PLEKHA5: variants seen among roughly 807,000 people sequenced by gnomAD.
The protein encoded by PLEKHA5 is pleckstrin homology domain containing A5, also known as pleckstrin homology domain-containing family A member 5.
In PLEKHA5, 55 loss-of-function variants were observed where a neutral mutation model predicts 181.9. That is an observed-to-expected ratio of 0.30 (90% CI 0.24 to 0.38). The LOEUF (loss-of-function observed/expected upper bound fraction) is 0.38. PLEKHA5 is among the 10% of genes least tolerant of loss of function. The probability of loss-of-function intolerance (pLI) is 1.00; values close to 1 mark genes in which losing one functional copy is unlikely to be tolerated. For synonymous variants in PLEKHA5, 535 were observed against 529.4 expected (o/e 1.01, Z -0.15); for missense variants, 1,432 against 1,549.5 (o/e 0.92, Z 1.27).
At chr12:19,165,397 A>C (rs1293173641) in intron 3 of PLEKHA5, among the ~76,000 whole-genome samples, 5 of 150,704 alleles carry the variant, frequency 3.3e-5, no homozygotes, top group African/African-American at 1.2e-4. Flanking sequence ...TGATTTAGAA[A>C]CCGAGGATAT....
At chr12:19,253,748 A>G (rs1208307164) in intron 3 of PLEKHA5, among the ~76,000 whole-genome samples, 192 bp from the exon 4 acceptor site, 3 of 152,062 alleles carry the variant, frequency 2.0e-5, no homozygotes, top group Non-Finnish European at 4.4e-5. Flanking sequence ...TGAACCCAGA[A>G]GGCAGAGGTT....
In PLEKHA5 at chr12:19,186,630, A is replaced by G. The variant is rs73345038; in HGVS notation, c.227+54180A>G. On this transcript the variant is annotated intron_variant, in intron 3 of 31. Transcript: ENST00000429027. ...TAGATTGAAATTGAGTCCAGTCTAC[A>G]TTCCCTCTGGTCATGTTTTTTTGAA... Among the ~76,000 whole-genome samples the G allele has an allele frequency of 4.7e-3, 709 of 152,304 alleles. 7 individuals carry two copies. The highest frequency in any genetic ancestry group is 0.016 in the African/African-American group (666 of 41,572).
Position 19,203,995 on chromosome 12 carries a change from G to A in PLEKHA5, c.228-49945G>A, listed in dbSNP as rs186229447. On this transcript the variant is annotated intron_variant, in intron 3 of 31. Transcript: ENST00000429027. ...GTACTTAGAGACACAAAACATATGC[G>A]TATTGACACATTTTAATTTTTGCGA... Among the ~76,000 whole-genome samples, 6 of 152,104 alleles carry A rather than the reference G, an allele frequency of 3.9e-5. No individual in the cohort carries two copies. The East Asian group carries it at 5.8e-4, about 15-fold the overall frequency.
intron 3 of PLEKHA5, among the ~76,000 whole-genome samples, chr12:19,136,492 G>A (rs2035703016): frequency 6.6e-6 from 1 of 152,134 alleles, no homozygotes; most frequent in South Asian, 2.1e-4. Context: ...TTATACGTTT[G>A]AGTTATAAAG....
Position 19,291,637 on chromosome 12 carries a change from C to A in PLEKHA5, c.1984-7C>A. Reference sequence around the variant, plus strand: ...CTGTCCCTTTTTTCTTAATTGGTGCCTACTAGAATGAAATTCTTTCACATC... The same window carrying A: ...CTGTCCCTTTTTTCTTAATTGGTGCATACTAGAATGAAATTCTTTCACATC... On this transcript the variant is annotated splice_region_variant and splice_polypyrimidine_tract_variant and intron_variant, in intron 14 of 31. Coordinates refer to ENST00000429027, the MANE Select transcript of PLEKHA5 (RefSeq NM_001256470.2). The A allele has an allele frequency of 6.7e-7, 1 of 1,493,628 alleles. No homozygotes were observed. The highest frequency in any genetic ancestry group is 9.0e-7 in the Non-Finnish European group (1 of 1,110,158). 92.5% of individuals were successfully genotyped at this position (1,493,628 alleles called of 1,614,324 possible). A position where few individuals can be genotyped will look rare whatever the true frequency, so the allele number is the denominator to read the frequency against.
chr12:19,323,156 C>G (rs573821316), intron 20 of PLEKHA5, among the ~76,000 whole-genome samples: 1 of 151,972 alleles, frequency 6.6e-6, no homozygotes, highest in South Asian at 2.1e-4. Context: ...AGCCACCACA[C>G]CCAGCCAAAC....
At chr12:19,329,187 C>T (rs143971662) in intron 20 of PLEKHA5, among the ~76,000 whole-genome samples, 1 of 152,164 alleles carries the variant, frequency 6.6e-6, no homozygotes, top group East Asian at 1.9e-4. Context: ...GAAATGAAGC[C>T]TATTTTATCA....
intron 20 of PLEKHA5, among the ~76,000 whole-genome samples, chr12:19,334,829 A>AAAAAAAAAAT: frequency 1.1e-4 from 2 of 18,604 alleles, no homozygotes; most frequent in Non-Finnish European, 2.9e-4. Context: ...AAAAAAAAAA[A>AAAAAAAAAAT]ATATATATAT....
Position 19,130,198 on chromosome 12 carries a change from C to T in PLEKHA5, c.169+68C>T, listed in dbSNP as rs780137219. On this transcript the variant is annotated intron_variant, in intron 2 of 31. Coordinates refer to ENST00000429027, the MANE Select transcript of PLEKHA5 (RefSeq NM_001256470.2). The surrounding 1 kb of genome is among the most constrained non-coding windows in gnomAD (Gnocchi z 4.5). ...GCGGCAGAGCCCGGGCCGCCCGGCTCCCCGCAACCTGCCCCGCGCCGCGGG... is the reference window on the plus strand; with the variant it reads ...GCGGCAGAGCCCGGGCCGCCCGGCTTCCCGCAACCTGCCCCGCGCCGCGGG... 2.8e-4 allele frequency: 292 copies of T among 1,060,598 alleles called. 1 individual carries two copies. Among genetic ancestry groups the T allele is most frequent in the Admixed American group, 4.3e-4 (14 of 32,392 alleles). 65.7% of individuals were successfully genotyped at this position (1,060,598 alleles called of 1,614,324 possible). A position where few individuals can be genotyped will look rare whatever the true frequency, so the allele number is the denominator to read the frequency against.
chr12:19,367,258 C>CTTTTTTTTTTT (rs376634416), intron 30 of PLEKHA5, among the ~76,000 whole-genome samples: 3 of 72,000 alleles, frequency 4.2e-5, no homozygotes, highest in African/African-American at 1.1e-4. Flanking sequence ...TTTGCTTCTT[C>CTTTTTTTTTTT]TTTTTTTTTT....
intron 28 of PLEKHA5, among the ~76,000 whole-genome samples, chr12:19,360,494 C>T (rs1179051092): frequency 1.3e-5 from 2 of 151,682 alleles, no homozygotes; most frequent in Non-Finnish European, 2.9e-5. Context: ...GTAATCACTA[C>T]TTGGGAGGCT....
In PLEKHA5 at chr12:19,348,404, A is replaced by G. The variant is rs1164989340; in HGVS notation, c.2904A>G (p.Pro968=). ...TTACATGTCTTCCTTTCAAGGGTCC[A>G]GATTATAGACTCTACAAGAGTGAAC... is the stretch of plus-strand genomic sequence containing the variant. ...GYPRNGSHCG[P]DYRLYKSEPE... Residue 968 remains proline, a synonymous_variant, in exon 25 of 32, where the codon CCA becomes CCG. Coordinates refer to ENST00000429027, the MANE Select transcript of PLEKHA5 (RefSeq NM_001256470.2). The G allele has an allele frequency of 6.3e-7, 1 of 1,578,508 alleles. No homozygotes were observed. Among genetic ancestry groups the G allele is most frequent in the South Asian group, 1.2e-5 (1 of 84,268 alleles).
chr12:19,236,636 G>C (rs1223072931), intron 3 of PLEKHA5, among the ~76,000 whole-genome samples: 1 of 152,060 alleles, frequency 6.6e-6, no homozygotes, highest in East Asian at 1.9e-4. Context: ...TTTATTTAGA[G>C]CTAAGTTTAT....
intron 25 of PLEKHA5, among the ~76,000 whole-genome samples, chr12:19,352,384 C>CAA (rs200203166): frequency 8.0e-5 from 10 of 124,322 alleles, no homozygotes; most frequent in Admixed American, 2.4e-4. Flanking sequence ...GACTCCATCT[C>CAA]AAAAAAAAAA....
At chr12:19,298,388 A>G (rs546985434) in intron 15 of PLEKHA5, among the ~76,000 whole-genome samples, 1 of 150,188 alleles carries the variant, frequency 6.7e-6, no homozygotes, top group South Asian at 2.1e-4. Flanking sequence ...TCTTAGCAGT[A>G]ATCTGTCCTA....
At chr12:19,131,543 T>C (rs1173823420) in intron 2 of PLEKHA5, among the ~76,000 whole-genome samples, 1 of 152,236 alleles carries the variant, frequency 6.6e-6, no homozygotes, top group African/African-American at 2.4e-5. Flanking sequence ...TGAAAGACGA[T>C]ATGACATTTA....
intron 3 of PLEKHA5, among the ~76,000 whole-genome samples, chr12:19,230,768 G>A (rs561069920): frequency 3.9e-5 from 6 of 152,226 alleles, no homozygotes; most frequent in East Asian, 3.9e-4. Context: ...AGAGGGAGCC[G>A]GCTCCAGCCT....
intron 3 of PLEKHA5, among the ~76,000 whole-genome samples, chr12:19,133,175 T>C (rs186176816): frequency 6.6e-6 from 1 of 152,022 alleles, no homozygotes; most frequent in African/African-American, 2.4e-5. Flanking sequence ...AGGCTTTTAG[T>C]AGAGCTTGAG....
At chr12:19,354,879 G>A (rs1156577164) in intron 26 of PLEKHA5, among the ~76,000 whole-genome samples, 4 of 152,208 alleles carry the variant, frequency 2.6e-5, no homozygotes, top group South Asian at 2.1e-4. Context: ...GGTCATAGTC[G>A]TAGTCCACAA....
Sources: gnomAD v4.1 joint callset for allele counts (sites outside exome capture counted in the v4.1 genomes callset) on GRCh38, gnomAD v4.1.1 for gene constraint, Gnocchi (gnomAD v3.1) non-coding constraint, MANE v1.5 for transcripts, NCBI Gene and HGNC (gene_info 2026-07-23, HGNC 2026-07-21) for gene names.